The following MCM3AP variants were observed in gnomAD, a reference collection of about 807,000 sequenced individuals.
MCM3AP encodes the protein germinal-center associated nuclear protein.
In MCM3AP, 126 loss-of-function variants were observed where a neutral mutation model predicts 184.1. That is an observed-to-expected ratio of 0.68 (90% CI 0.59 to 0.79). The LOEUF is 0.79. MCM3AP is among the 30% of genes least tolerant of loss of function. MCM3AP has a pLI of 0.00. For missense variants in MCM3AP, 2,496 were observed against 2,479.2 expected (o/e 1.01, Z -0.14); for synonymous variants, 1,002 against 979.3 (o/e 1.02, Z -0.43).
rs1287979413 is a variant in MCM3AP at position 46,246,889 on chromosome 21, G to A, written c.4291-3C>T. The A allele has an allele frequency of 6.2e-7, 1 of 1,613,094 alleles. No homozygotes were observed. The highest frequency in any genetic ancestry group is 8.5e-7 in the Non-Finnish European group (1 of 1,179,262). ...TCACTGAGGGCGCCATGGGCCACCT[G>A]CAACAGCATCAAGATCATCAGGAGA... is the stretch of plus-strand genomic sequence containing the variant. On this transcript the variant is annotated splice_polypyrimidine_tract_variant and splice_region_variant and intron_variant, in intron 20 of 27. Transcript: ENST00000291688.
intron 11 of MCM3AP, 138 bp from the exon 12 acceptor site, chr21:46,265,661 T>C (rs1276351110): frequency 1.3e-6 from 1 of 767,186 alleles, no homozygotes; most frequent in East Asian, 2.7e-5. Context: ...GGAGACCAGC[T>C]ACGTGGGACA....
chr21:46,235,796 C>T (rs2080512584), intron 27 of MCM3AP, among the ~76,000 whole-genome samples: 1 of 152,270 alleles, frequency 6.6e-6, no homozygotes, highest in Non-Finnish European at 1.5e-5. Flanking sequence ...TAGCACCATG[C>T]CTGGCTAATT....
At chr21:46,252,303 A>G (rs2080885578) in intron 19 of MCM3AP, 1 of 152,198 alleles carries the variant, frequency 6.6e-6, no homozygotes. Context: ...TTTGAAATAC[A>G]TGTTTTTTAC....
chr21:46,261,240 C>G lies in MCM3AP; in HGVS notation c.3467+40G>C, dbSNP rs765964737. ...GGGTCAGTTCTTGCCTGTGTCCACA[C>G]TGAGCTCCTTATTCGGCTGCATGGA... On this transcript the variant is annotated intron_variant, in intron 14 of 27. Coordinates refer to ENST00000291688, the MANE Select transcript of MCM3AP (RefSeq NM_003906.5). The G allele has an allele frequency of 1.6e-5, 26 of 1,611,142 alleles. No homozygotes were observed. The African/African-American group carries it at 2.9e-4, about 18-fold the overall frequency.
chr21:46,251,716 AC>A (rs781655865), intron 19 of MCM3AP, 34 bp from the exon 20 acceptor site: 5 of 1,334,936 alleles, frequency 3.7e-6, no homozygotes, highest in African/African-American at 3.0e-5. Context: ...AACAAAAAAA[AC>A]ACTTGAAGAA....
In MCM3AP at chr21:46,258,656, C is replaced by T. The variant is rs530903622; in HGVS notation, c.3734+283G>A. On this transcript the variant is annotated intron_variant, in intron 16 of 27. Transcript: ENST00000291688. ...AGCACCTAGTGCAGTGGGCAAATGG[C>T]AGGCACCCTATAAATATCAGTTGAC... is the stretch of plus-strand genomic sequence containing the variant. Among the ~76,000 whole-genome samples, 7 of 152,148 alleles carry T rather than the reference C, an allele frequency of 4.6e-5. 1 individual carries two copies. The highest frequency in any genetic ancestry group is 2.6e-4 in the Admixed American group (4 of 15,268).
intron 13 of MCM3AP, among the ~76,000 whole-genome samples, chr21:46,263,780 C>CTCCT (rs2081071844): frequency 3.5e-5 from 1 of 28,316 alleles, no homozygotes; most frequent in Non-Finnish European, 5.4e-5. Context: ...GACTCCATCT[C>CTCCT]AAAAAAAAAA....
intron 2 of MCM3AP, among the ~76,000 whole-genome samples, chr21:46,283,166 C>G (rs1176769429): frequency 1.3e-5 from 2 of 152,162 alleles, no homozygotes; most frequent in African/African-American, 4.8e-5. Flanking sequence ...ACCTCATGAT[C>G]CGCCCACCTT....
chr21:46,267,157 G>C lies in MCM3AP; in HGVS notation c.2629-15C>G. 2 of 1,611,044 alleles carry C rather than the reference G, an allele frequency of 1.2e-6. No homozygotes were observed. Among genetic ancestry groups the C allele is most frequent in the Non-Finnish European group, 1.7e-6 (2 of 1,178,732 alleles). On this transcript the variant is annotated splice_polypyrimidine_tract_variant and intron_variant, in intron 9 of 27. Transcript: ENST00000291688. ...TCCTTGCGGATCTGAGAGGAGGAGC[G>C]AAATCACTGCAGTCTCAGACGAAGG...
At chr21:46,262,494 A>T (rs2081052928) in intron 13 of MCM3AP, among the ~76,000 whole-genome samples, 1 of 152,106 alleles carries the variant, frequency 6.6e-6, no homozygotes, top group African/African-American at 2.4e-5. Context: ...CAAAAAATTA[A>T]AAAATTAGCC....
At chr21:46,265,579 A>G (rs1359872547) in intron 11 of MCM3AP, 56 bp from the exon 12 acceptor site, 1 of 1,404,462 alleles carries the variant, frequency 7.1e-7, no homozygotes. Context: ...GCCTGGCACC[A>G]CGGGGACCGA....
In MCM3AP at chr21:46,284,923, G is replaced by A; in HGVS notation, c.364C>T (p.Pro122Ser). 3.7e-6 allele frequency: 6 copies of A among 1,614,146 alleles called. No individual in the cohort carries two copies. Among genetic ancestry groups the A allele is most frequent in the Non-Finnish European group, 5.1e-6 (6 of 1,180,036 alleles). Residue 122 changes from proline to serine, a missense_variant, in exon 1 of 28, where the codon CCA (proline) becomes TCA (serine). Coordinates refer to ENST00000291688, the MANE Select transcript of MCM3AP (RefSeq NM_003906.5). ...TCTTGTCCAAAAGCAGAAGTGCTTG[G>A]GAAAGCCCCAACACTGGTGGGTGAT... Reference protein sequence around the residue: ...FKSPTSVGAFPSTSAFGQEAG... With the variant: ...FKSPTSVGAFSSTSAFGQEAG...
chr21:46,274,315 C>A (rs975949987), intron 6 of MCM3AP, among the ~76,000 whole-genome samples: 2 of 152,164 alleles, frequency 1.3e-5, no homozygotes, highest in African/African-American at 4.8e-5. Context: ...AAGGTCATAC[C>A]CTCTGATGCA....
Position 46,264,134 on chromosome 21 carries a change from G to A in MCM3AP, c.3318C>T (p.Tyr1106=), listed in dbSNP as rs558735247. 3.7e-5 allele frequency: 60 copies of A among 1,613,192 alleles called. No homozygotes were observed. The Middle Eastern group carries it at 5.0e-4, about 13-fold the overall frequency. ...CCACTCACCCCAGGGCGGCAGCTGC[G>A]TAGGCAGCACCCGCAGAGCCAACTT... The part of the protein sequence containing the change: ...CEEVGSAGAA[Y]AAAALGVSNA... Residue 1106 remains tyrosine, a synonymous_variant, in exon 13 of 28, where the codon TAC becomes TAT. Coordinates refer to ENST00000291688, the MANE Select transcript of MCM3AP (RefSeq NM_003906.5).
intron 4 of MCM3AP, among the ~76,000 whole-genome samples, chr21:46,279,120 T>C (rs2081293087): frequency 6.6e-6 from 1 of 151,792 alleles, no homozygotes; most frequent in Admixed American, 6.6e-5. Flanking sequence ...ACCCCATCTC[T>C]ACTAAAAATA....
intron 18 of MCM3AP, 119 bp downstream of exon 18, chr21:46,254,657 C>G: frequency 7.0e-7 from 1 of 1,424,006 alleles, no homozygotes. Flanking sequence ...AAACTAGAAA[C>G]CAAGTCTGGA....
intron 19 of MCM3AP, 65 bp from the exon 20 acceptor site, chr21:46,251,747 T>C: frequency 9.8e-7 from 1 of 1,020,374 alleles, no homozygotes. Context: ...ATATTTGAAT[T>C]ATAAAGACTT....
At chr21:46,256,741 A>C (rs1027576319) in intron 17 of MCM3AP, 48 bp downstream of exon 17, 1 of 1,526,296 alleles carries the variant, frequency 6.6e-7, no homozygotes, top group Non-Finnish European at 8.8e-7. Context: ...GGTAAAACCA[A>C]GTGGGGGCAG....
intron 6 of MCM3AP, among the ~76,000 whole-genome samples, 164 bp from the exon 7 acceptor site, chr21:46,273,749 A>C (rs2081217772): frequency 6.6e-6 from 1 of 152,246 alleles, no homozygotes; most frequent in Admixed American, 6.5e-5. Flanking sequence ...GACAATCAAA[A>C]TTCAAAGACA....
Sources: gnomAD v4.1 joint callset for allele counts (sites outside exome capture counted in the v4.1 genomes callset) on GRCh38, gnomAD v4.1.1 for gene constraint, MANE v1.5 for transcripts, NCBI Gene and HGNC (gene_info 2026-07-23, HGNC 2026-07-21) for gene names.